The following CADM3 variants were observed in gnomAD, a reference collection of about 807,000 sequenced individuals.
The protein encoded by CADM3 is TSLC1-like 1.
Under a neutral mutation model 44.9 loss-of-function variants are expected in CADM3, and 11 were observed. That is an observed-to-expected ratio of 0.25 (90% CI 0.15 to 0.41). CADM3 has a LOEUF of 0.41. Ranked by LOEUF, CADM3 falls within the 10% of genes least tolerant of loss-of-function variation. The pLI, the probability that CADM3 is intolerant of heterozygous loss-of-function variation, is 1.00. For missense variants in CADM3, 426 were observed against 512.0 expected (o/e 0.83, Z 1.62); for synonymous variants, 207 against 205.2 (o/e 1.01, Z -0.08).
At chr1:159,184,750 T>C (rs951153230) in intron 1 of CADM3, among the ~76,000 whole-genome samples, 7 of 152,250 alleles carry the variant, frequency 4.6e-5, no homozygotes, top group Non-Finnish European at 1.0e-4. Context: ...CATTTTTATT[T>C]ATTTGAGTTA....
At chr1:159,173,642 T>C (rs988906731) in intron 1 of CADM3, among the ~76,000 whole-genome samples, 2 of 152,132 alleles carry the variant, frequency 1.3e-5, no homozygotes, top group African/African-American at 4.8e-5. Context: ...TGTGCTTCAT[T>C]AATGACCCTG....
intron 5 of CADM3, chr1:159,195,233 C>A: frequency 6.6e-6 from 1 of 152,386 alleles, no homozygotes; most frequent in Non-Finnish European, 1.5e-5. Context: ...TTGGCCAAAG[C>A]ATTTCATCTT....
rs1052355718 is a variant in CADM3, at chr1:159,192,213, T to C, written c.229+137T>C. 1.5e-5 allele frequency: 14 copies of C among 921,380 alleles called. No homozygotes were observed. In the African/African-American group the frequency reaches 2.3e-4, roughly 15 times the overall value. The allele number at this position is 921,380 out of a possible 1,614,324, so 57.1% of individuals were successfully genotyped here. On this transcript the variant is annotated intron_variant, in intron 2 of 8. Transcript: ENST00000368125. ...TGCTGTTTGAGGATGTAACAAGCCA[T>C]GAGTTCCCCAACTGGTTCCAGTATT...
At position 159,203,192 on chromosome 1, in the gene CADM3, T is replaced by C. The variant is rs1044532642; in HGVS notation, c.*2270T>C. On this transcript the variant is annotated 3_prime_UTR_variant, in exon 9 of 9. Transcript: ENST00000368125. The stretch of plus-strand genomic sequence containing the variant: ...TCTTGCTGCTGCTGGGATGTGTGTA[T>C]GTGAGGGTCTTCTTCCCATACCCCT... 2.0e-5 allele frequency: 3 copies of C among 152,590 alleles called. No individual in the cohort carries two copies. The highest frequency in any genetic ancestry group is 7.2e-5 in the African/African-American group (3 of 41,436). The allele number at this position is 152,590 out of a possible 1,614,324, so 9.5% of individuals were successfully genotyped here.
intron 1 of CADM3, among the ~76,000 whole-genome samples, chr1:159,172,207 T>C (rs1365085573): frequency 1.3e-5 from 2 of 152,228 alleles, no homozygotes; most frequent in South Asian, 2.1e-4. Flanking sequence ...TGTCAGTATC[T>C]GTGTGTATGT....
intron 1 of CADM3, among the ~76,000 whole-genome samples, chr1:159,176,921 C>A (rs990904047): frequency 2.0e-5 from 3 of 152,158 alleles, no homozygotes; most frequent in African/African-American, 7.2e-5. Flanking sequence ...GAACAATACT[C>A]TTCTTAAGAG....
intron 1 of CADM3, among the ~76,000 whole-genome samples, chr1:159,173,897 A>G (rs1241050044): frequency 1.3e-5 from 2 of 151,794 alleles, no homozygotes; most frequent in African/African-American, 2.4e-5. Flanking sequence ...CACCAACTAC[A>G]CTCTTCTTTC....
At chr1:159,173,439 T>C (rs1648901036) in intron 1 of CADM3, among the ~76,000 whole-genome samples, 1 of 152,056 alleles carries the variant, frequency 6.6e-6, no homozygotes, top group Non-Finnish European at 1.5e-5. Flanking sequence ...GGCTTACTCC[T>C]TCTGCCCTCT....
intron 1 of CADM3, among the ~76,000 whole-genome samples, chr1:159,184,004 A>G (rs1649330132): frequency 6.6e-6 from 1 of 152,176 alleles, no homozygotes; most frequent in Non-Finnish European, 1.5e-5. Context: ...AACTCCCCCA[A>G]ATTTTGAAGT....
At position 159,193,880 on chromosome 1, in the gene CADM3, C is replaced by A; in HGVS notation, c.531C>A (p.Thr177=). The A allele has an allele frequency of 6.2e-7, 1 of 1,613,620 alleles. No homozygotes were observed. The highest frequency in any genetic ancestry group is 1.1e-5 in the South Asian group (1 of 90,980). The change falls in exon 5 of 9, where the codon ACC becomes ACA. Residue 177 remains threonine (T), a synonymous_variant. Coordinates refer to ENST00000368125, the MANE Select transcript of CADM3 (RefSeq NM_001127173.3). ...KGDQELHGEP[T]RIQEDPNGKT... ...GTTTCTGCACTCTAGGAGAACCAAC[C>A]CGCATACAGGAAGATCCCAATGGTA...
At chr1:159,174,123 T>A (rs1281391891) in intron 1 of CADM3, among the ~76,000 whole-genome samples, 1 of 152,192 alleles carries the variant, frequency 6.6e-6, no homozygotes. Flanking sequence ...AAACCAAGCA[T>A]CATTTTCCTT....
At chr1:159,183,454 G>A (rs1571010475) in intron 1 of CADM3, among the ~76,000 whole-genome samples, 1 of 152,284 alleles carries the variant, frequency 6.6e-6, no homozygotes, top group Middle Eastern at 3.4e-3. Context: ...GAAACAAGGA[G>A]GAGCAAGGTC....
intron 1 of CADM3, among the ~76,000 whole-genome samples, chr1:159,181,723 T>C (rs1649235366): frequency 6.6e-6 from 1 of 152,188 alleles, no homozygotes; most frequent in Non-Finnish European, 1.5e-5. Context: ...GGGCTTGTTT[T>C]GGTTGGGGGC....
intron 5 of CADM3, chr1:159,195,776 C>A (rs2102130281): frequency 6.6e-6 from 1 of 152,450 alleles, no homozygotes; most frequent in African/African-American, 2.4e-5. Flanking sequence ...TCCTAAGCAG[C>A]CCTTCGGCGT....
At chr1:159,184,260 A>C (rs1242863995) in intron 1 of CADM3, among the ~76,000 whole-genome samples, 1 of 152,220 alleles carries the variant, frequency 6.6e-6, no homozygotes, top group Non-Finnish European at 1.5e-5. Context: ...CCAGCAATGG[A>C]TGTAGATAAA....
At chr1:159,174,160 G>C (rs1648929726) in intron 1 of CADM3, among the ~76,000 whole-genome samples, 1 of 152,200 alleles carries the variant, frequency 6.6e-6, no homozygotes, top group Non-Finnish European at 1.5e-5. Context: ...ACAGATAATG[G>C]ACATCTGTCT....
chr1:159,175,752 T>C (rs564684870), intron 1 of CADM3, among the ~76,000 whole-genome samples: 3 of 152,316 alleles, frequency 2.0e-5, no homozygotes, highest in Admixed American at 1.3e-4. Flanking sequence ...CCAAATCTAA[T>C]TGCAAGAGTG....
At position 159,171,853 on chromosome 1, in the gene CADM3, G is replaced by C. The variant is rs780213010; in HGVS notation, c.88G>C (p.Asp30His). The C allele has an allele frequency of 3.2e-6, 4 of 1,241,248 alleles. No homozygotes were observed. The highest frequency in any genetic ancestry group is 1.5e-5 in the African/African-American group (1 of 64,696). The allele number at this position is 1,241,248 out of a possible 1,614,324, so 76.9% of individuals were successfully genotyped here. The change falls in exon 1 of 9, where the codon GAC (aspartate) becomes CAC (histidine). Residue 30 changes from aspartate (D) to histidine (H), a missense_variant and splice_region_variant. Asp to His is a moderately conservative substitution (Grantham distance 81). This residue lies in a region of CADM3 where 64 missense variants were observed against 37.4 expected (regional missense o/e 1.71). Coordinates refer to ENST00000368125, the MANE Select transcript of CADM3 (RefSeq NM_001127173.3). The stretch of plus-strand genomic sequence containing the variant: ...CGGCGGGGCCAACCTCTCCCAGGAC[G>C]GTGAGTGAGGGAGGGGGCGGCGCCT... ...APGGANLSQDDSQPWTSDETV... is the reference protein window; with the variant it reads ...APGGANLSQDHSQPWTSDETV...
intron 1 of CADM3, among the ~76,000 whole-genome samples, chr1:159,172,091 G>C (rs1478268545): frequency 1.3e-5 from 2 of 152,178 alleles, no homozygotes; most frequent in African/African-American, 4.8e-5. Context: ...GTGTGCACCG[G>C]GGTTTGGCTC....
Sources: allele counts gnomAD v4.1 joint callset (sites outside exome capture counted in the v4.1 genomes callset), GRCh38; gene constraint gnomAD v4.1.1; regional missense constraint gnomAD v4.1.1; transcripts MANE v1.5; gene names NCBI Gene and HGNC (gene_info 2026-07-23, HGNC 2026-07-21).